The following SEM1 variants were observed in gnomAD, a reference collection of about 807,000 sequenced individuals.
SEM1 encodes the protein SEM1 26S proteasome subunit.
Under a neutral mutation model 12.7 loss-of-function variants are expected in SEM1, and 3 were observed. The observed-to-expected ratio is 0.24, with a 90% CI of 0.11 to 0.61. The LOEUF (loss-of-function observed/expected upper bound fraction) is 0.61. Among genes scored for constraint, SEM1 ranks in the 20% least tolerant of loss-of-function variants. The pLI, the probability that SEM1 is intolerant of heterozygous loss-of-function variation, is 0.88. For missense variants in SEM1, 59 were observed against 81.3 expected (o/e 0.73, Z 1.06); for synonymous variants, 30 against 27.8 (o/e 1.08, Z -0.25).
chr7:96,610,243 G>A (rs192789840), intron 2 of SEM1, among the ~76,000 whole-genome samples: 205 of 152,158 alleles, frequency 1.3e-3, no homozygotes, highest in Admixed American at 3.4e-3. Flanking sequence ...GGGATTACAG[G>A]TGCATGCCAC....
intron 2 of SEM1, among the ~76,000 whole-genome samples, chr7:96,572,267 A>G (rs755606159): frequency 4.6e-5 from 7 of 151,926 alleles, no homozygotes; most frequent in Non-Finnish European, 8.8e-5. Flanking sequence ...AGGGCTTTTC[A>G]TGTCTCTATC....
chr7:96,537,004 G>A (rs1189034678), intron 2 of SEM1, among the ~76,000 whole-genome samples: 1 of 151,472 alleles, frequency 6.6e-6, no homozygotes, highest in Non-Finnish European at 1.5e-5. Flanking sequence ...CTCTTTTACT[G>A]CTTTCCTTGG....
At chr7:96,535,223 A>G (rs1403342554) in intron 2 of SEM1, among the ~76,000 whole-genome samples, 2 of 152,078 alleles carry the variant, frequency 1.3e-5, no homozygotes, top group African/African-American at 2.4e-5. Context: ...AAAATTTTGC[A>G]TTAAATAAAC....
intron 2 of SEM1, chr7:96,623,153 C>T (rs185789128): frequency 3.9e-4 from 59 of 152,610 alleles, no homozygotes; most frequent in Middle Eastern, 6.8e-3. Flanking sequence ...TCTTGTCCAC[C>T]TGCTTGAGCT....
intron 1 of SEM1, among the ~76,000 whole-genome samples, chr7:96,492,991 G>C (rs1215653970): frequency 5.3e-5 from 8 of 152,064 alleles, no homozygotes; most frequent in Admixed American, 5.2e-4. Context: ...TTTTGAGATG[G>C]AGTCTCACTC....
intron 2 of SEM1, among the ~76,000 whole-genome samples, chr7:96,485,510 C>T (rs896976249): frequency 2.2e-4 from 33 of 149,438 alleles, no homozygotes; most frequent in African/African-American, 7.4e-4. Flanking sequence ...CTAAATAACC[C>T]AAGCTAATCT....
At chr7:96,665,892 C>G (rs1584847899) in intron 2 of SEM1, among the ~76,000 whole-genome samples, 4 of 152,290 alleles carry the variant, frequency 2.6e-5, no homozygotes, top group Admixed American at 2.6e-4. Flanking sequence ...CTGTGAGATA[C>G]CAGCCCTGCA....
At chr7:96,524,967 T>C (rs1263729290) in intron 2 of SEM1, among the ~76,000 whole-genome samples, 1 of 152,156 alleles carries the variant, frequency 6.6e-6, no homozygotes, top group Non-Finnish European at 1.5e-5. Flanking sequence ...TAAAAATATA[T>C]GTCCTCAATC....
At chr7:96,688,070 A>C (rs1365858724), downstream of SEM1, 1 of 152,184 alleles carries the variant, frequency 6.6e-6, no homozygotes, top group East Asian at 1.9e-4. Flanking sequence ...TGTAGTTCTT[A>C]GTAACAACAT....
At chr7:96,567,941 T>TACACACACACACTCACACACAC (rs1805897624) in intron 2 of SEM1, among the ~76,000 whole-genome samples, 2 of 149,694 alleles carry the variant, frequency 1.3e-5, no homozygotes, top group African/African-American at 5.0e-5. Flanking sequence ...TGCACACACA[T>TACACACACACACTCACACACAC]ACACACACAC....
intron 2 of SEM1, among the ~76,000 whole-genome samples, chr7:96,605,141 C>A (rs550437643): frequency 3.3e-5 from 5 of 151,814 alleles, no homozygotes; most frequent in Non-Finnish European, 5.9e-5. Flanking sequence ...TTTTAATAAC[C>A]CTTCTAAACT....
At chr7:96,499,511 T>C (rs76201681), upstream of SEM1, among the ~76,000 whole-genome samples, 3,322 of 152,330 alleles carry the variant, frequency 0.022, 114 homozygotes, top group African/African-American at 0.076. Context: ...GGGTTCCTTA[T>C]GTGTCTTGAA....
chr7:96,522,872 C>G (rs1362423038), intron 2 of SEM1, among the ~76,000 whole-genome samples: 1 of 88,598 alleles, frequency 1.1e-5, no homozygotes, highest in Non-Finnish European at 2.1e-5. Flanking sequence ...GCCTGGGCAA[C>G]AAGAGTGAAA....
intron 2 of SEM1, among the ~76,000 whole-genome samples, chr7:96,578,861 A>G (rs1052099908): frequency 9.2e-5 from 14 of 152,184 alleles, no homozygotes; most frequent in African/African-American, 3.4e-4. Context: ...CTCAATTTCA[A>G]CAAAGCTTTG....
chr7:96,585,462 A>T (rs1806588029), intron 2 of SEM1, among the ~76,000 whole-genome samples: 1 of 72,588 alleles, frequency 1.4e-5, no homozygotes, highest in African/African-American at 5.1e-5. Flanking sequence ...CTACAGAGGC[A>T]GGCAGGCCTC....
downstream of SEM1, among the ~76,000 whole-genome samples, chr7:96,668,757 A>AG (rs1789234582): frequency 6.6e-6 from 1 of 151,924 alleles, no homozygotes; most frequent in Admixed American, 6.6e-5. Context: ...TACCAAAAAA[A>AG]GACATGTTGA....
chr7:96,656,038 A>G (rs1371866903), intron 2 of SEM1, among the ~76,000 whole-genome samples: 1 of 152,188 alleles, frequency 6.6e-6, no homozygotes, highest in Non-Finnish European at 1.5e-5. Flanking sequence ...AATGGGGAGC[A>G]TGTCCTTTTG....
intron 2 of SEM1, among the ~76,000 whole-genome samples, chr7:96,574,218 GAA>G (rs1479737148): frequency 1.3e-5 from 2 of 152,050 alleles, no homozygotes; most frequent in African/African-American, 4.8e-5. Context: ...AGTTTGCTGA[GAA>G]TGATGGTTTC....
intron 1 of SEM1, among the ~76,000 whole-genome samples, chr7:96,494,414 C>A (rs1195608015): frequency 1.3e-5 from 2 of 151,658 alleles, no homozygotes; most frequent in African/African-American, 2.4e-5. Context: ...CTCAAAGTAG[C>A]TTTTTGGTCC....
Sources: gnomAD v4.1 joint callset for allele counts (sites outside exome capture counted in the v4.1 genomes callset) on GRCh38, gnomAD v4.1.1 for gene constraint, MANE v1.5 for transcripts, NCBI Gene and HGNC (gene_info 2026-07-23, HGNC 2026-07-21) for gene names.